Variants in EIF3I observed in about 807,000 individuals in gnomAD.
EIF3I encodes the protein eukaryotic translation initiation factor 3 subunit I.
In EIF3I, 20 loss-of-function variants were observed where a neutral mutation model predicts 43.3. The ratio of observed to expected loss-of-function variants is 0.46; its 90% CI spans 0.32 to 0.67. The LOEUF (loss-of-function observed/expected upper bound fraction) is 0.67, where lower values mean the gene tolerates loss of function less well. EIF3I is among the 30% of genes least tolerant of loss of function. The pLI, the probability that EIF3I is intolerant of heterozygous loss-of-function variation, is 0.03. For synonymous variants in EIF3I, 167 were observed against 151.7 expected (o/e 1.10, Z -0.74); for missense variants, 279 against 421.4 (o/e 0.66, Z 2.96).
chr1:32,231,809 A>T (rs1639241531), downstream of EIF3I: 1 of 152,818 alleles, frequency 6.5e-6, no homozygotes, highest in African/African-American at 2.4e-5. Flanking sequence ...TTTCAGGAAC[A>T]TCTCAGCTGC....
At chr1:32,229,007 G>C (rs970646499) in intron 8 of EIF3I, 128 bp from the exon 9 acceptor site, 8 of 1,159,130 alleles carry the variant, frequency 6.9e-6, no homozygotes, top group Admixed American at 4.4e-5. Flanking sequence ...AGAAGTGTCT[G>C]ATCATCCCCT....
At chr1:32,222,409 T>C (rs369217492) in exon 1 of EIF3I, 8 of 1,586,534 alleles carry the variant, frequency 5.0e-6, no homozygotes, top group African/African-American at 1.3e-5. Context: ...CCGGTCTTAC[T>C]CACGTTGCGG....
intron 6 of EIF3I, among the ~76,000 whole-genome samples, chr1:32,226,799 A>C (rs1639153833): frequency 7.9e-6 from 1 of 127,388 alleles, no homozygotes; most frequent in African/African-American, 3.0e-5. Flanking sequence ...CGAACTCCTG[A>C]CCTCAGGCAG....
chr1:32,223,904 C>A, intron 2 of EIF3I, 130 bp from the exon 3 acceptor site: 1 of 774,106 alleles, frequency 1.3e-6, no homozygotes, highest in Non-Finnish European at 2.2e-6. Context: ...CAGCTCCCTG[C>A]TGTTTCCCAA....
At chr1:32,226,502 G>A (rs1297863588) in exon 6 of EIF3I, 10 of 1,580,730 alleles carry the variant, frequency 6.3e-6, no homozygotes, top group Admixed American at 3.7e-5. Flanking sequence ...GGCCATGAGA[G>A]TGGAGAGCTC....
At chr1:32,231,231 G>C in exon 12 of EIF3I, 1 of 1,599,168 alleles carries the variant, frequency 6.3e-7, no homozygotes, top group South Asian at 1.1e-5. Context: ...GGTGGCTCAT[G>C]CCTGTAATCC....
At chr1:32,228,453 T>G (rs748826992) in intron 6 of EIF3I, 46 bp from the exon 7 acceptor site, 4 of 1,522,838 alleles carry the variant, frequency 2.6e-6, no homozygotes, top group Middle Eastern at 1.7e-4. Flanking sequence ...GAGCTGAGAT[T>G]AGTAGGGATT....
intron 4 of EIF3I, among the ~76,000 whole-genome samples, chr1:32,225,628 C>T (rs1639130853): frequency 6.6e-6 from 1 of 151,756 alleles, no homozygotes; most frequent in South Asian, 2.1e-4. Flanking sequence ...GTAATCCCAT[C>T]GACTCAGGAG....
intron 6 of EIF3I, among the ~76,000 whole-genome samples, chr1:32,227,767 CCT>C (rs1477503958): frequency 6.6e-6 from 1 of 151,990 alleles, no homozygotes; most frequent in African/African-American, 2.4e-5. Context: ...AGAACAAGAC[CCT>C]GTCTCAAAAA....
At chr1:32,226,242 A>G (rs199714576) in exon 5 of EIF3I, 18 of 1,613,958 alleles carry the variant, frequency 1.1e-5, no homozygotes, top group East Asian at 1.1e-4. Flanking sequence ...GGGCAACATC[A>G]TCATGTTCTC....
At chr1:32,235,264 C>G (rs1557558815), downstream of EIF3I, 1 of 152,218 alleles carries the variant, frequency 6.6e-6, no homozygotes, top group Non-Finnish European at 1.5e-5. Flanking sequence ...GGAGTCCAGT[C>G]TCACGGCACA....
intron 4 of EIF3I, 144 bp from the exon 5 acceptor site, chr1:32,226,027 G>GAA (rs922213141): frequency 3.0e-4 from 274 of 919,538 alleles, no homozygotes; most frequent in Middle Eastern, 7.0e-4. Flanking sequence ...TCTCAAAAAA[G>GAA]AAAAAAAAAA....
intron 7 of EIF3I, 33 bp from the exon 8 acceptor site, chr1:32,228,691 CTCT>C: frequency 6.2e-7 from 1 of 1,605,066 alleles, no homozygotes; most frequent in Non-Finnish European, 8.5e-7. Context: ...CCCAGGAAAG[CTCT>C]TTACAGATTT....
At chr1:32,227,441 CAT>C (rs925430010) in intron 6 of EIF3I, among the ~76,000 whole-genome samples, 5 of 152,026 alleles carry the variant, frequency 3.3e-5, no homozygotes, top group Non-Finnish European at 4.4e-5. Flanking sequence ...AATGATATCA[CAT>C]GTTTGAAAAA....
At chr1:32,231,122 A>G in exon 12 of EIF3I, 1 of 1,614,126 alleles carries the variant, frequency 6.2e-7, no homozygotes, top group Non-Finnish European at 8.5e-7. Flanking sequence ...CAGCTACAGC[A>G]GCGGCGGCGA....
downstream of EIF3I, chr1:32,232,242 T>TG (rs1221899409): frequency 6.6e-6 from 1 of 152,180 alleles, no homozygotes; most frequent in Non-Finnish European, 1.5e-5. Flanking sequence ...GGAGTCTGGG[T>TG]GGGCAGCCCT....
exon 8 of EIF3I, chr1:32,228,762 T>G (rs1365603036): frequency 6.2e-7 from 1 of 1,614,138 alleles, no homozygotes; most frequent in South Asian, 1.1e-5. Context: ...ATCAGAAGAC[T>G]TTCCGGACAG....
intron 6 of EIF3I, among the ~76,000 whole-genome samples, chr1:32,227,497 C>G (rs987131817): frequency 6.6e-6 from 1 of 151,784 alleles, no homozygotes; most frequent in Non-Finnish European, 1.5e-5. Context: ...GATCACAGGC[C>G]GGGTGTGGTG....
downstream of EIF3I, chr1:32,234,899 G>C (rs563959954): frequency 2.0e-5 from 3 of 152,574 alleles, no homozygotes; most frequent in Non-Finnish European, 4.4e-5. Flanking sequence ...TTGCATCCAG[G>C]GGTTGAGAGC....
Sources: gnomAD v4.1 joint callset for allele counts (sites outside exome capture counted in the v4.1 genomes callset) on GRCh38, gnomAD v4.1.1 for gene constraint, MANE v1.5 for transcripts, NCBI Gene and HGNC (gene_info 2026-07-23, HGNC 2026-07-21) for gene names.